The following TMEM114 variants were observed in gnomAD, a reference collection of about 807,000 sequenced individuals.
TMEM114 encodes claudin-26.
In TMEM114, 6 loss-of-function variants were observed where a neutral mutation model predicts 6.2. The observed-to-expected ratio is 0.97, with a 90% confidence interval of 0.53 to 1.91. The LOEUF (loss-of-function observed/expected upper bound fraction) is 1.91, where lower values mean the gene tolerates loss of function less well. Ranked by LOEUF, TMEM114 falls within the 40% of genes most tolerant of loss-of-function variation. The pLI is 0.01. For synonymous variants in TMEM114, 104 were observed against 73.0 expected, an observed-to-expected ratio of 1.42 and a Z score of -2.16; for missense variants, 218 against 158.3, an observed-to-expected ratio of 1.38 and a Z score of -2.02.
downstream of TMEM114, among the ~76,000 whole-genome samples, chr16:8,566,937 G>GT (rs1352583794): frequency 8.4e-6 from 1 of 118,838 alleles, no homozygotes; most frequent in Non-Finnish European, 1.6e-5. Context: ...GTCTCACTCT[G>GT]TCACCCAGGC....
chr16:8,571,433 TTG>T lies in TMEM114; in HGVS notation c.439+652_439+653del, dbSNP rs370027115. The stretch of plus-strand genomic sequence containing the variant: ...CGGCCTCACATACTTAGCATTTCTT[TTG>T]TGTGTGGTGAGAACTAAAATCTACT... On this transcript the variant is annotated intron_variant, in intron 3 of 3. Coordinates refer to ENST00000620492, the MANE Select transcript of TMEM114 (RefSeq NM_001146336.2). Among the ~76,000 whole-genome samples, 13 of 152,306 alleles carry T rather than the reference TTG, an allele frequency of 8.5e-5. No homozygotes were observed. In the East Asian group the frequency reaches 1.3e-3, roughly 16 times the overall value.
the TMEM114 span, among the ~76,000 whole-genome samples, chr16:8,532,572 C>A: frequency 2.6e-5 from 4 of 152,178 alleles, no homozygotes; most frequent in African/African-American, 9.7e-5. Flanking sequence ...CGACGTGTCT[C>A]ATTTAGTGCT....
chr16:8,588,137 A>G lies in TMEM114; in HGVS notation c.301+1076T>C, dbSNP rs1902371894. Among the ~76,000 whole-genome samples the G allele has an allele frequency of 3.9e-5, 6 of 152,214 alleles. No homozygotes were observed. In the South Asian group the frequency reaches 1.0e-3, roughly 26 times the overall value. ...TCCATTTGTACTAGAAATATGAAAA[A>G]TTAGCCCGACGTGGAGGCAGGCACC... On this transcript the variant is annotated intron_variant, in intron 2 of 3. Coordinates refer to ENST00000620492, the MANE Select transcript of TMEM114 (RefSeq NM_001146336.2).
intron 2 of TMEM114, among the ~76,000 whole-genome samples, chr16:8,579,273 C>G (rs555267372): frequency 6.6e-6 from 1 of 152,304 alleles, no homozygotes; most frequent in South Asian, 2.1e-4. Context: ...CAGGGGATGT[C>G]TCTTACCCCA....
At chr16:8,563,389 G>GTGAA (rs1221742789) in intron 2 of TMEM114, among the ~76,000 whole-genome samples, 1 of 148,848 alleles carries the variant, frequency 6.7e-6, no homozygotes, top group Non-Finnish European at 1.5e-5. Context: ...GAATGAGTGA[G>GTGAA]TGAATGAGTA....
At chr16:8,536,334 A>T (rs971459696), downstream of TMEM114, among the ~76,000 whole-genome samples, 22 of 152,160 alleles carry the variant, frequency 1.4e-4, no homozygotes, top group African/African-American at 5.1e-4. Flanking sequence ...ATGTTTTGAA[A>T]GCTCTTCATA....
intron 2 of TMEM114, among the ~76,000 whole-genome samples, chr16:8,581,599 G>A (rs537377104): frequency 7.2e-5 from 11 of 152,224 alleles, no homozygotes; most frequent in South Asian, 6.2e-4. Flanking sequence ...GACTACAGGC[G>A]CATGCCACCA....
At chr16:8,538,133 CAA>C (rs59194084) in intron 2 of TMEM114, among the ~76,000 whole-genome samples, 2 of 76,336 alleles carry the variant, frequency 2.6e-5, no homozygotes, top group South Asian at 6.8e-4. Context: ...ACTGTCTCTA[CAA>C]AAAAAAAAAA....
chr16:8,575,539 T>G (rs1901892096), intron 2 of TMEM114, among the ~76,000 whole-genome samples: 1 of 152,226 alleles, frequency 6.6e-6, no homozygotes, highest in Non-Finnish European at 1.5e-5. Context: ...CTCCGTTTAT[T>G]GTTTCAGTAA....
intron 2 of TMEM114, among the ~76,000 whole-genome samples, chr16:8,540,341 C>T (rs1900480080): frequency 6.6e-6 from 1 of 152,028 alleles, no homozygotes; most frequent in African/African-American, 2.4e-5. Flanking sequence ...AGCAGGAATC[C>T]CAGCTGATCG....
chr16:8,581,738 G>A (rs916540906), intron 2 of TMEM114, among the ~76,000 whole-genome samples: 4 of 152,238 alleles, frequency 2.6e-5, no homozygotes, highest in East Asian at 1.9e-4. Flanking sequence ...ACAGGTGTGC[G>A]CCACTGCGCC....
At chr16:8,560,304 G>A (rs962359675) in intron 2 of TMEM114, among the ~76,000 whole-genome samples, 1 of 152,004 alleles carries the variant, frequency 6.6e-6, no homozygotes, top group African/African-American at 2.4e-5. Flanking sequence ...AGCATGCCCA[G>A]TGATCTTGGA....
rs1014086749 is a variant in TMEM114 at position 8,589,284 on chromosome 16, G to C, written c.230C>G (p.Pro77Arg). ...GAAGGGGTTCATCAGCGGTGTGCAC[G>C]GGCTCTGCACTGGATAGGACGGAGG... ...GLWRTCRVQS[P>R]CTPLMNPFRL... The change falls in exon 2 of 4, where the codon CCG (proline) becomes CGG (arginine). Residue 77 changes from proline (P) to arginine (R), a missense_variant. Transcript: ENST00000620492. 2.0e-5 allele frequency: 8 copies of C among 398,784 alleles called. No individual in the cohort carries two copies. The highest frequency in any genetic ancestry group is 1.3e-3 in the Middle Eastern group (2 of 1,592). The allele number at this position is 398,784 out of a possible 1,614,324, so 24.7% of individuals were successfully genotyped here. A position where few individuals can be genotyped will look rare whatever the true frequency, so the allele number is the denominator to read the frequency against.
At chr16:8,561,382 C>T (rs367762703) in intron 2 of TMEM114, among the ~76,000 whole-genome samples, 4 of 152,366 alleles carry the variant, frequency 2.6e-5, no homozygotes, top group African/African-American at 7.2e-5. Flanking sequence ...ATCTGCTTTA[C>T]AGAACTTCTT....
chr16:8,536,463 C>G (rs766392152), downstream of TMEM114, among the ~76,000 whole-genome samples: 1 of 152,066 alleles, frequency 6.6e-6, no homozygotes, highest in Non-Finnish European at 1.5e-5. Flanking sequence ...CTTGTAACCT[C>G]GGTATCTCAA....
chr16:8,535,287 G>A (rs529952774), downstream of TMEM114, among the ~76,000 whole-genome samples: 5 of 152,300 alleles, frequency 3.3e-5, no homozygotes, highest in African/African-American at 1.2e-4. Flanking sequence ...TTATTAAGTA[G>A]CAAGGACTTT....
chr16:8,561,018 A>G (rs1409783934), intron 2 of TMEM114, among the ~76,000 whole-genome samples: 1 of 152,212 alleles, frequency 6.6e-6, no homozygotes, highest in African/African-American at 2.4e-5. Flanking sequence ...GAAACCTCTT[A>G]AAAACCATCA....
At chr16:8,567,738 TA>T (rs1306511452), downstream of TMEM114, among the ~76,000 whole-genome samples, 15 of 152,288 alleles carry the variant, frequency 9.8e-5, no homozygotes, top group East Asian at 2.9e-3. Context: ...ACTTGGGCGC[TA>T]GGAGGGCTGA....
downstream of TMEM114, among the ~76,000 whole-genome samples, chr16:8,534,123 A>G (rs1202897061): frequency 6.6e-6 from 1 of 152,170 alleles, no homozygotes; most frequent in African/African-American, 2.4e-5. Flanking sequence ...AATCTGAAAT[A>G]TTTATTGTGC....
Sources: gnomAD v4.1 joint callset for allele counts (sites outside exome capture counted in the v4.1 genomes callset) on GRCh38, gnomAD v4.1.1 for gene constraint, MANE v1.5 for transcripts, NCBI Gene and HGNC (gene_info 2026-07-23, HGNC 2026-07-21) for gene names.